Variants in RIN3 observed in about 807,000 individuals in gnomAD.
RIN3 encodes Ras and Rab interactor 3, also known as RAB5 interacting protein 3.
Under a neutral mutation model 76.3 loss-of-function variants are expected in RIN3, and 54 were observed. The observed-to-expected ratio is 0.71, with a 90% CI of 0.57 to 0.89. RIN3 has a LOEUF of 0.89. RIN3 is among the 40% of genes least tolerant of loss of function. The pLI, the probability that RIN3 is intolerant of heterozygous loss-of-function variation, is 0.00. For synonymous variants in RIN3, 576 were observed against 564.0 expected, an observed-to-expected ratio of 1.02 and a Z score of -0.30; for missense variants, 1,256 against 1,322.1, an observed-to-expected ratio of 0.95 and a Z score of 0.78.
chr14:92,527,235 G>C (rs554990292), intron 1 of RIN3, among the ~76,000 whole-genome samples: 2 of 151,178 alleles, frequency 1.3e-5, no homozygotes, highest in African/African-American at 4.9e-5. Context: ...TGTATTTTTA[G>C]TAGAGACGGG....
At chr14:92,613,882 A>T (rs1459733685) in intron 3 of RIN3, among the ~76,000 whole-genome samples, 1 of 152,210 alleles carries the variant, frequency 6.6e-6, no homozygotes, top group Admixed American at 6.5e-5. Context: ...GAGAGCGCTC[A>T]TGTGGGGCTC....
chr14:92,584,066 A>G (rs1443555687), intron 3 of RIN3, among the ~76,000 whole-genome samples: 1 of 152,140 alleles, frequency 6.6e-6, no homozygotes, highest in African/African-American at 2.4e-5. Flanking sequence ...CCTCATTTAA[A>G]GTATACAGGA....
At chr14:92,553,705 C>G (rs1010859699) in intron 1 of RIN3, among the ~76,000 whole-genome samples, 1 of 152,098 alleles carries the variant, frequency 6.6e-6, no homozygotes, top group Non-Finnish European at 1.5e-5. Context: ...CAGGGCCCCC[C>G]GGAGGATGTG....
chr14:92,625,252 G>A (rs1476669895), intron 4 of RIN3, among the ~76,000 whole-genome samples: 1 of 152,082 alleles, frequency 6.6e-6, no homozygotes, highest in Non-Finnish European at 1.5e-5. Context: ...CTTAGTCCAG[G>A]GTAATGGACT....
intron 1 of RIN3, among the ~76,000 whole-genome samples, chr14:92,544,251 G>C (rs1007848288): frequency 6.6e-6 from 1 of 152,088 alleles, no homozygotes; most frequent in Non-Finnish European, 1.5e-5. Flanking sequence ...ATGAGGAGTG[G>C]GGAGTTCTCC....
intron 1 of RIN3, among the ~76,000 whole-genome samples, chr14:92,523,867 T>A (rs1308670206): frequency 3.9e-5 from 6 of 151,954 alleles, no homozygotes; most frequent in African/African-American, 7.2e-5. Context: ...CAGCTCCTCC[T>A]GAGAGTTGGT....
At chr14:92,611,988 G>C (rs112370326) in intron 3 of RIN3, among the ~76,000 whole-genome samples, 18,802 of 152,108 alleles carry the variant, frequency 0.12, 1,498 homozygotes, top group Non-Finnish European at 0.18. Context: ...TGGGGGGCAG[G>C]GGCCAGACAC....
chr14:92,603,554 G>A (rs1038491047), intron 3 of RIN3, among the ~76,000 whole-genome samples: 5 of 152,220 alleles, frequency 3.3e-5, no homozygotes, highest in African/African-American at 1.2e-4. Context: ...TATGTGGTTG[G>A]TGGACCCAGG....
At chr14:92,603,560 C>T (rs1306834918) in intron 3 of RIN3, among the ~76,000 whole-genome samples, 1 of 152,186 alleles carries the variant, frequency 6.6e-6, no homozygotes, top group Non-Finnish European at 1.5e-5. Context: ...GTTGGTGGAC[C>T]CAGGGGCCTG....
At chr14:92,567,774 C>CTTT (rs10695659) in intron 2 of RIN3, among the ~76,000 whole-genome samples, 19,122 of 151,900 alleles carry the variant, frequency 0.13, 1,295 homozygotes, top group East Asian at 0.18. Flanking sequence ...TCTTTGAGTC[C>CTTT]TTTGTCCTGT....
rs1888799353 is a variant in RIN3, at chr14:92,685,042, C to G, written c.2523C>G (p.Asp841Glu). The G allele has an allele frequency of 3.7e-6, 6 of 1,614,074 alleles. No homozygotes were observed. The highest frequency in any genetic ancestry group is 5.1e-6 in the Non-Finnish European group (6 of 1,179,988). ...YGALEHIKSY[D>E]KITVTRQLSV... The stretch of plus-strand genomic sequence containing the variant: ...CCCTGGAGCACATCAAGAGCTACGA[C>G]AAGATCACGGTGACCCGGCAGCTGA... The change falls in exon 9 of 10, where the codon GAC (aspartate) becomes GAG (glutamate). Residue 841 changes from aspartate to glutamate, a missense_variant. Physicochemically the swap from Asp to Glu is conservative, Grantham distance 45 (BLOSUM62 2). Transcript: ENST00000216487. The surrounding 1 kb of genome is among the most constrained non-coding windows in gnomAD (Gnocchi z 4.7).
intron 1 of RIN3, among the ~76,000 whole-genome samples, chr14:92,535,228 T>C (rs7157447): frequency 0.16 from 24,183 of 152,236 alleles, 2,185 homozygotes; most frequent in Admixed American, 0.22. Flanking sequence ...CTTTTCCTTA[T>C]CGGTGTGTAC....
intron 3 of RIN3, among the ~76,000 whole-genome samples, chr14:92,586,229 G>T (rs548373876): frequency 1.9e-4 from 29 of 152,186 alleles, no homozygotes; most frequent in Non-Finnish European, 3.5e-4. Flanking sequence ...ATGGGAAAAA[G>T]CCTGTGTGTA....
At chr14:92,551,197 G>T (rs1897414666) in intron 1 of RIN3, among the ~76,000 whole-genome samples, 2 of 152,138 alleles carry the variant, frequency 1.3e-5, no homozygotes, top group Admixed American at 6.5e-5. Flanking sequence ...CATATAGATG[G>T]ATTCATGCCA....
chr14:92,660,934 G>A (rs1373811697), intron 7 of RIN3, among the ~76,000 whole-genome samples: 1 of 152,212 alleles, frequency 6.6e-6, no homozygotes, highest in Non-Finnish European at 1.5e-5. Flanking sequence ...GGACACGGCT[G>A]CCATGGCAAC....
intron 1 of RIN3, among the ~76,000 whole-genome samples, chr14:92,522,998 A>G (rs1896639553): frequency 1.3e-5 from 2 of 152,224 alleles, no homozygotes; most frequent in Admixed American, 1.3e-4. Flanking sequence ...GCTATGCAGG[A>G]TAGAACAACA....
chr14:92,564,779 A>G (rs988624862), intron 2 of RIN3, among the ~76,000 whole-genome samples: 3 of 152,194 alleles, frequency 2.0e-5, no homozygotes, highest in East Asian at 3.9e-4. Context: ...AGGGTCCCTA[A>G]TGCAATGCAG....
chr14:92,675,559 G>C (rs547760122), intron 7 of RIN3, among the ~76,000 whole-genome samples: 1 of 152,336 alleles, frequency 6.6e-6, no homozygotes, highest in South Asian at 2.1e-4. Flanking sequence ...TTGGTTAGAG[G>C]AAGTGAGAAG....
At chr14:92,515,545 A>G in intron 1 of RIN3, 1 of 448,032 alleles carries the variant, frequency 2.2e-6, no homozygotes. Flanking sequence ...GACTAAATAC[A>G]CAGAGTTGAA....
Sources: gnomAD v4.1 joint callset for allele counts (sites outside exome capture counted in the v4.1 genomes callset) on GRCh38, gnomAD v4.1.1 for gene constraint, Gnocchi (gnomAD v3.1) non-coding constraint, MANE v1.5 for transcripts, NCBI Gene and HGNC (gene_info 2026-07-23, HGNC 2026-07-21) for gene names.